MAP3K14: variants seen among roughly 807,000 people sequenced by gnomAD.
MAP3K14 encodes the protein mitogen-activated protein kinase kinase kinase 14, also known as NF-kappa-beta-inducing kinase.
A neutral mutation model predicts 99.2 loss-of-function variants in MAP3K14; 16 were observed. That is an observed-to-expected ratio of 0.16 (90% CI 0.11 to 0.24). MAP3K14 has a LOEUF of 0.24. MAP3K14 is among the 10% of genes least tolerant of loss of function. MAP3K14 has a pLI of 1.00. For missense variants in MAP3K14, 784 were observed against 1,208.7 expected (o/e 0.65, Z 5.21); for synonymous variants, 462 against 492.4 (o/e 0.94, Z 0.82).
chr17:45,308,951 G>A (rs958811118), intron 1 of MAP3K14, among the ~76,000 whole-genome samples: 2 of 151,682 alleles, frequency 1.3e-5, no homozygotes, highest in African/African-American at 4.8e-5. Flanking sequence ...ACAGGTGTGA[G>A]CCACTGCGCC....
chr17:45,273,469 A>G, intron 9 of MAP3K14, 34 bp downstream of exon 9: 1 of 1,500,426 alleles, frequency 6.7e-7, no homozygotes, highest in Non-Finnish European at 9.1e-7. Context: ...GAATGAATGC[A>G]TTGGGGGGCA....
At chr17:45,300,366 T>A (rs1241425896) in intron 1 of MAP3K14, among the ~76,000 whole-genome samples, 1 of 152,204 alleles carries the variant, frequency 6.6e-6, no homozygotes, top group Admixed American at 6.5e-5. Flanking sequence ...ATCGTGTACT[T>A]AAGACAACCT....
rs1182641526 is a variant in MAP3K14, at chr17:45,272,777, T to TAA, written c.1657+724_1657+725dup. ...CAATATGGCAAAACCCCGTCCCTACTAAAAATACAAAAATTAGCTGGGCAT... is the reference window on the plus strand; with the variant it reads ...CAATATGGCAAAACCCCGTCCCTACTAAAAAAATACAAAAATTAGCTGGGCAT... On this transcript the variant is annotated intron_variant, in intron 9 of 15. Transcript: ENST00000344686. The surrounding 1 kb of genome is among the most constrained non-coding windows in gnomAD (Gnocchi z 4.1). Among the ~76,000 whole-genome samples, 2 of 152,036 alleles carry TAA rather than the reference T, an allele frequency of 1.3e-5. No individual in the cohort carries two copies. The highest frequency in any genetic ancestry group is 2.9e-5 in the Non-Finnish European group (2 of 68,006).
At chr17:45,290,803 C>T in intron 1 of MAP3K14, 38 bp from the exon 2 acceptor site, 2 of 1,585,428 alleles carry the variant, frequency 1.3e-6, no homozygotes, top group Non-Finnish European at 1.7e-6. Flanking sequence ...CACTTAGAAT[C>T]CCAGACCTGG....
rs1252590483 is a variant in MAP3K14, at chr17:45,264,576, A to C, written c.*60T>G. On this transcript the variant is annotated 3_prime_UTR_variant, in exon 16 of 16. Transcript: ENST00000344686. ...GGCTGAGCCTGTGTTTCAGGGCAGC[A>C]TCGTGCACCGAGCAGGAAGGCTGCT... The C allele has an allele frequency of 6.7e-7, 1 of 1,501,368 alleles. No individual in the cohort carries two copies. Among genetic ancestry groups the C allele is most frequent in the African/African-American group, 1.4e-5 (1 of 72,444 alleles). The allele number at this position is 1,501,368 out of a possible 1,614,324, so 93.0% of individuals were successfully genotyped here. A position where few individuals can be genotyped will look rare whatever the true frequency, so the allele number is the denominator to read the frequency against.
rs559027308 is a variant in MAP3K14 at position 45,316,982 on chromosome 17, A to C, written c.-43T>G. On this transcript the variant is annotated 5_prime_UTR_variant, in exon 1 of 16. Coordinates refer to ENST00000344686, the MANE Select transcript of MAP3K14 (RefSeq NM_003954.5). ...TACCGGCCAAGCGCCGATCTCCCCA[A>C]CCAAGCGAGTGTTGCGCTCCGCTCG... 6.6e-6 allele frequency: 1 copy of C among 151,540 alleles called. No individual in the cohort carries two copies. Among genetic ancestry groups the C allele is most frequent in the African/African-American group, 2.4e-5 (1 of 41,156 alleles). The allele number at this position is 151,540 out of a possible 1,614,324, so 9.4% of individuals were successfully genotyped here.
intron 1 of MAP3K14, among the ~76,000 whole-genome samples, chr17:45,291,363 C>T (rs886724718): frequency 3.9e-5 from 6 of 152,088 alleles, no homozygotes; most frequent in Non-Finnish European, 7.3e-5. Context: ...GTGCTCAGCA[C>T]GTGGTTCCTT....
rs531702630 is a variant in MAP3K14, at chr17:45,282,728, AG to A, written c.1290+2083del. ...CACTGGATTCTCCCCAAGGAGCATCAGGGGGGCACAGACTTGCTCTGATCCG... is the reference window on the plus strand; with the variant it reads ...CACTGGATTCTCCCCAAGGAGCATCAGGGGGCACAGACTTGCTCTGATCCG... On this transcript the variant is annotated intron_variant, in intron 6 of 15. Transcript: ENST00000344686. Among the ~76,000 whole-genome samples the A allele has an allele frequency of 1.7e-3, 252 of 152,176 alleles. 2 individuals are homozygous for A. The highest frequency in any genetic ancestry group is 5.7e-3 in the African/African-American group (235 of 41,516).
chr17:45,294,580 T>C (rs1357342989), intron 1 of MAP3K14, among the ~76,000 whole-genome samples: 1 of 152,262 alleles, frequency 6.6e-6, no homozygotes, highest in Non-Finnish European at 1.5e-5. Context: ...TGCCTGATTC[T>C]GGCTCTATTC....
chr17:45,284,772 C>T, intron 6 of MAP3K14, 40 bp downstream of exon 6: 1 of 1,557,444 alleles, frequency 6.4e-7, no homozygotes, highest in Non-Finnish European at 8.7e-7. Context: ...GGCCCCCTTC[C>T]TGGCTTCCCT....
rs1238432105 is a variant in MAP3K14, at chr17:45,275,061, C to T, written c.1291-468G>A. 1.3e-5 allele frequency among the ~76,000 whole-genome samples: 2 copies of T among 151,722 alleles called. 1 individual carries two copies. Among genetic ancestry groups the T allele is most frequent in the Non-Finnish European group, 2.9e-5 (2 of 67,942 alleles). On this transcript the variant is annotated intron_variant, in intron 6 of 15. Coordinates refer to ENST00000344686, the MANE Select transcript of MAP3K14 (RefSeq NM_003954.5). ...GGCTGAGGCAGGAGAATGGCGTGAACCCAGGAGGCGGAGCTTGCAGTGAGC... is the reference window on the plus strand; with the variant it reads ...GGCTGAGGCAGGAGAATGGCGTGAATCCAGGAGGCGGAGCTTGCAGTGAGC...
At chr17:45,300,607 C>T (rs1410672309) in intron 1 of MAP3K14, among the ~76,000 whole-genome samples, 1 of 152,164 alleles carries the variant, frequency 6.6e-6, no homozygotes, top group Non-Finnish European at 1.5e-5. Context: ...TCAGCCTCTA[C>T]CCAGGAAGTT....
rs2143818811 is a variant in MAP3K14, at chr17:45,286,157, C to T, written c.1152+274G>A. 6.6e-6 allele frequency among the ~76,000 whole-genome samples: 1 copy of T among 152,260 alleles called. No homozygotes were observed. Among genetic ancestry groups the T allele is most frequent in the Non-Finnish European group, 1.5e-5 (1 of 68,000 alleles). The stretch of plus-strand genomic sequence containing the variant: ...TGATAACATCTCCAGTGGCTCCTGG[C>T]TGATTCCCCTTGTCCTCAGCATGTG... On this transcript the variant is annotated intron_variant, in intron 5 of 15. Coordinates refer to ENST00000344686, the MANE Select transcript of MAP3K14 (RefSeq NM_003954.5). This position sits in a 1 kb window ranked among gnomAD's most constrained non-coding sequence, Gnocchi z 4.1.
intron 1 of MAP3K14, among the ~76,000 whole-genome samples, chr17:45,312,617 A>G (rs1266587724): frequency 3.3e-5 from 5 of 152,164 alleles, no homozygotes; most frequent in African/African-American, 1.2e-4. Context: ...TATGTTGCCC[A>G]TAGCTACTTG....
chr17:45,264,565 T>G lies in MAP3K14; in HGVS notation c.*71A>C. 1.4e-6 allele frequency: 2 copies of G among 1,456,954 alleles called. No homozygotes were observed. Among genetic ancestry groups the G allele is most frequent in the Non-Finnish European group, 1.8e-6 (2 of 1,099,518 alleles). The allele number at this position is 1,456,954 out of a possible 1,614,324, so 90.3% of individuals were successfully genotyped here. On this transcript the variant is annotated 3_prime_UTR_variant, in exon 16 of 16. Coordinates refer to ENST00000344686, the MANE Select transcript of MAP3K14 (RefSeq NM_003954.5). ...TCCCTGGGAACGGCTGAGCCTGTGT[T>G]TCAGGGCAGCATCGTGCACCGAGCA...
chr17:45,267,856 G>A lies in MAP3K14; in HGVS notation c.1973-97C>T. The A allele has an allele frequency of 1.9e-6, 2 of 1,039,390 alleles. No homozygotes were observed. Among genetic ancestry groups the A allele is most frequent in the Non-Finnish European group, 1.4e-6 (1 of 699,642 alleles). The allele number at this position is 1,039,390 out of a possible 1,614,324, so 64.4% of individuals were successfully genotyped here. ...TCTCCTGAGTGCAGAAGGGCTAGAGGCAAACAAAGGGGAGGACACTGCCCC... is the reference window on the plus strand; with the variant it reads ...TCTCCTGAGTGCAGAAGGGCTAGAGACAAACAAAGGGGAGGACACTGCCCC... On this transcript the variant is annotated intron_variant, in intron 11 of 15. Coordinates refer to ENST00000344686, the MANE Select transcript of MAP3K14 (RefSeq NM_003954.5). This position sits in a 1 kb window ranked among gnomAD's most constrained non-coding sequence, Gnocchi z 5.1.
chr17:45,276,823 C>CTTTTTTT (rs35012373), intron 6 of MAP3K14, among the ~76,000 whole-genome samples: 10 of 62,258 alleles, frequency 1.6e-4, no homozygotes, highest in Non-Finnish European at 2.2e-4. Context: ...TCTTAGACTT[C>CTTTTTTT]TTTTTTTTTT....
At chr17:45,311,950 G>C (rs910753218) in intron 1 of MAP3K14, among the ~76,000 whole-genome samples, 1 of 152,124 alleles carries the variant, frequency 6.6e-6, no homozygotes, top group African/African-American at 2.4e-5. Context: ...TCTGGGCTCT[G>C]TGCCCCGTCC....
In MAP3K14 at chr17:45,297,802, C is replaced by T. The variant is rs577747288; in HGVS notation, c.-20-7037G>A. On this transcript the variant is annotated intron_variant, in intron 1 of 15. Transcript: ENST00000344686. ...TGGCACAATCTTGGCTCACTGCAAC[C>T]TCAGCATTCTGGTTCAAGTGATTCT... is the stretch of plus-strand genomic sequence containing the variant. 2.0e-5 allele frequency among the ~76,000 whole-genome samples: 3 copies of T among 150,398 alleles called. No homozygotes were observed. The East Asian group carries it at 5.9e-4, about 30-fold the overall frequency.
Sources: allele counts gnomAD v4.1 joint callset (sites outside exome capture counted in the v4.1 genomes callset), GRCh38; gene constraint gnomAD v4.1.1; non-coding constraint Gnocchi (gnomAD v3.1); transcripts MANE v1.5; gene names NCBI Gene and HGNC (gene_info 2026-07-23, HGNC 2026-07-21).